SMAP1: variants seen among roughly 807,000 people sequenced by gnomAD.
The protein encoded by SMAP1 is small ArfGAP 1.
A neutral mutation model predicts 58.5 loss-of-function variants in SMAP1; 24 were observed. The observed-to-expected ratio is 0.41, with a 90% CI of 0.30 to 0.58. The LOEUF (loss-of-function observed/expected upper bound fraction) is 0.58, where lower values mean the gene tolerates loss of function less well. Ranked by LOEUF, SMAP1 falls within the 20% of genes least tolerant of loss-of-function variation. SMAP1 has a pLI of 0.29. For synonymous variants in SMAP1, 216 were observed against 196.6 expected, an observed-to-expected ratio of 1.10 and a Z score of -0.82; for missense variants, 563 against 566.3, an observed-to-expected ratio of 0.99 and a Z score of 0.06.
intron 2 of SMAP1, among the ~76,000 whole-genome samples, chr6:70,751,010 C>A (rs991460273): frequency 6.6e-6 from 1 of 152,096 alleles, no homozygotes; most frequent in African/African-American, 2.4e-5. Context: ...GAGGCCCAGG[C>A]GGGCAGATCA....
In SMAP1 at chr6:70,667,887, C is replaced by A. The variant is rs919521132; in HGVS notation, c.-137C>A. ...CCACCGCCGCCGCCGCCCCTCCTCCCGTTCCAGCTGCCGCTGCCGCTTCCT... is the reference window on the plus strand; with the variant it reads ...CCACCGCCGCCGCCGCCCCTCCTCCAGTTCCAGCTGCCGCTGCCGCTTCCT... On this transcript the variant is annotated 5_prime_UTR_variant, in exon 1 of 11. Coordinates refer to ENST00000370455, the MANE Select transcript of SMAP1 (RefSeq NM_001044305.3). 16 of 637,996 alleles carry A rather than the reference C, an allele frequency of 2.5e-5. No individual in the cohort carries two copies. Among genetic ancestry groups the A allele is most frequent in the African/African-American group, 3.9e-5 (2 of 51,206 alleles). 39.5% of individuals were successfully genotyped at this position (637,996 alleles called of 1,614,324 possible). A position where few individuals can be genotyped will look rare whatever the true frequency, so the allele number is the denominator to read the frequency against.
At chr6:70,814,279 A>C (rs1246246397) in intron 6 of SMAP1, among the ~76,000 whole-genome samples, 1 of 152,182 alleles carries the variant, frequency 6.6e-6, no homozygotes, top group Non-Finnish European at 1.5e-5. Flanking sequence ...TTTTGATAGC[A>C]ATGATAATTG....
chr6:70,755,282 C>G (rs1766439899), intron 3 of SMAP1, among the ~76,000 whole-genome samples: 1 of 151,922 alleles, frequency 6.6e-6, no homozygotes. Flanking sequence ...ATACACGATA[C>G]ATATGGTATT....
intron 1 of SMAP1, among the ~76,000 whole-genome samples, chr6:70,717,067 C>T (rs1481791975): frequency 6.6e-6 from 1 of 152,154 alleles, no homozygotes; most frequent in African/African-American, 2.4e-5. Context: ...GTCCAAACTA[C>T]ACTCTTTGTT....
At chr6:70,708,025 A>G (rs1370478487) in intron 1 of SMAP1, among the ~76,000 whole-genome samples, 2 of 152,168 alleles carry the variant, frequency 1.3e-5, no homozygotes, top group African/African-American at 4.8e-5. Context: ...GTAACACTGC[A>G]GTGTATAACT....
chr6:70,858,989 A>G (rs1001456906), intron 10 of SMAP1: 3 of 174,842 alleles, frequency 1.7e-5, no homozygotes, highest in Non-Finnish European at 3.6e-5. Context: ...GCTCTTAGAG[A>G]GGTTCATGCT....
chr6:70,821,583 G>T (rs573118602), intron 6 of SMAP1, among the ~76,000 whole-genome samples: 2 of 152,184 alleles, frequency 1.3e-5, no homozygotes, highest in East Asian at 3.9e-4. Flanking sequence ...TGACTACTAC[G>T]TGAAGAAAGC....
intron 7 of SMAP1, among the ~76,000 whole-genome samples, chr6:70,852,028 G>A (rs1771203698): frequency 6.6e-6 from 1 of 151,942 alleles, no homozygotes; most frequent in Admixed American, 6.6e-5. Flanking sequence ...TATTTCCATG[G>A]TAGGTAAAAA....
At chr6:70,848,177 A>G (rs1426508299) in intron 7 of SMAP1, among the ~76,000 whole-genome samples, 1 of 152,168 alleles carries the variant, frequency 6.6e-6, no homozygotes, top group Non-Finnish European at 1.5e-5. Context: ...ATTTGTGAAT[A>G]TTCTTAGTTG....
At chr6:70,688,256 C>T (rs1303513244) in intron 1 of SMAP1, among the ~76,000 whole-genome samples, 1 of 152,066 alleles carries the variant, frequency 6.6e-6, no homozygotes, top group Non-Finnish European at 1.5e-5. Flanking sequence ...AATAAAGCTG[C>T]TGTTAACATT....
chr6:70,813,313 AG>A (rs1428759313), intron 6 of SMAP1, among the ~76,000 whole-genome samples: 1 of 152,206 alleles, frequency 6.6e-6, no homozygotes, highest in Non-Finnish European at 1.5e-5. Flanking sequence ...AATGGGAATA[AG>A]GATATTTTAT....
At chr6:70,769,809 T>C (rs542199857) in intron 3 of SMAP1, among the ~76,000 whole-genome samples, 51 of 152,316 alleles carry the variant, frequency 3.3e-4, no homozygotes, top group African/African-American at 1.1e-3. Flanking sequence ...TGTTAGCTGG[T>C]TATTTTGCTC....
chr6:70,817,196 T>A (rs538851826), intron 6 of SMAP1, among the ~76,000 whole-genome samples: 1 of 151,780 alleles, frequency 6.6e-6, no homozygotes, highest in East Asian at 1.9e-4. Context: ...AGCCGCACAT[T>A]ATTATTCTAC....
At chr6:70,794,177 C>A (rs1455283994) in intron 5 of SMAP1, among the ~76,000 whole-genome samples, 3 of 152,152 alleles carry the variant, frequency 2.0e-5, no homozygotes, top group African/African-American at 7.2e-5. Flanking sequence ...GTGCATATAG[C>A]CACCAGGTTT....
In SMAP1 at chr6:70,798,688, A is replaced by T. The variant is rs780696007; in HGVS notation, c.527A>T (p.Lys176Met). ...KEKEKKKEEKKREKEPEKPAK... is the reference protein window; with the variant it reads ...KEKEKKKEEKMREKEPEKPAK... ...AAGGAAAAAAAAAAGGAAGAGAAAA[A>T]GAGAGAAAAGGAGCCAGAAAAGCCG... The change falls in exon 6 of 11, where the codon AAG becomes ATG. Residue 176 changes from lysine to methionine, a missense_variant. Lys to Met is a moderately conservative substitution (Grantham distance 95, BLOSUM62 -1). Around this residue, in one of 3 missense-constraint regions of SMAP1, gnomAD observed 494 missense variants for 473.8 expected, o/e 1.04. Coordinates refer to ENST00000370455, the MANE Select transcript of SMAP1 (RefSeq NM_001044305.3). The T allele has an allele frequency of 6.4e-7, 1 of 1,553,616 alleles. No homozygotes were observed. Among genetic ancestry groups the T allele is most frequent in the Non-Finnish European group, 8.7e-7 (1 of 1,150,784 alleles).
chr6:70,668,913 C>T (rs534779799), intron 1 of SMAP1, among the ~76,000 whole-genome samples: 21 of 152,182 alleles, frequency 1.4e-4, no homozygotes, highest in Non-Finnish European at 2.2e-4. Context: ...AATATGTGGA[C>T]ACTGATTTGT....
In SMAP1 at chr6:70,860,965, GATCTCTTCT is replaced by G. The variant is rs1771696341; in HGVS notation, c.*632_*640del. The G allele has an allele frequency of 2.9e-6, 1 of 346,766 alleles. No individual in the cohort carries two copies. Among genetic ancestry groups the G allele is most frequent in the African/African-American group, 2.1e-5 (1 of 47,576 alleles). 21.5% of individuals were successfully genotyped at this position (346,766 alleles called of 1,614,324 possible). On this transcript the variant is annotated 3_prime_UTR_variant, in exon 11 of 11. Coordinates refer to ENST00000370455, the MANE Select transcript of SMAP1 (RefSeq NM_001044305.3). ...TTTTATCTGCCTCTCTTGTAATTTG[GATCTCTTCT>G]TAATGTACATAGTGCTAACATGAAG...
chr6:70,692,644 GTT>G (rs906473900), intron 1 of SMAP1, among the ~76,000 whole-genome samples: 1 of 152,128 alleles, frequency 6.6e-6, no homozygotes, highest in Non-Finnish European at 1.5e-5. Context: ...TTTATATCCA[GTT>G]TTCCCAGTAC....
intron 4 of SMAP1, among the ~76,000 whole-genome samples, chr6:70,777,695 TC>T (rs1180738005): frequency 6.6e-6 from 1 of 152,060 alleles, no homozygotes; most frequent in African/African-American, 2.4e-5. Flanking sequence ...GACCAGTGTT[TC>T]CTATGTTTTC....
Sources: allele counts gnomAD v4.1 joint callset (sites outside exome capture counted in the v4.1 genomes callset), GRCh38; gene constraint gnomAD v4.1.1; regional missense constraint gnomAD v4.1.1; transcripts MANE v1.5; gene names NCBI Gene and HGNC (gene_info 2026-07-23, HGNC 2026-07-21).